SMARCD3: variants seen among roughly 807,000 people sequenced by gnomAD.
The protein encoded by SMARCD3 is SWI/SNF related BAF chromatin remodeling complex subunit D3, also known as SWI/SNF-related matrix-associated actin-dependent regulator of chromatin subfamily D member 3.
A neutral mutation model predicts 58.0 loss-of-function variants in SMARCD3; 14 were observed. That is an observed-to-expected ratio of 0.24 (90% confidence interval 0.16 to 0.38). The LOEUF is 0.38. Ranked by LOEUF, SMARCD3 falls within the 10% of genes least tolerant of loss-of-function variation. The pLI, the probability that SMARCD3 is intolerant of heterozygous loss-of-function variation, is 1.00. For synonymous variants in SMARCD3, 253 were observed against 253.8 expected, an observed-to-expected ratio of 1.00 and a Z score of 0.03; for missense variants, 408 against 636.9, an observed-to-expected ratio of 0.64 and a Z score of 3.87.
Position 151,241,096 on chromosome 7 carries a change from A to T in SMARCD3, c.939+396T>A. On this transcript the variant is annotated intron_variant, in intron 8 of 12. Transcript: ENST00000262188. The surrounding 1 kb of genome is among the most constrained non-coding windows in gnomAD (Gnocchi z 5.3). ...TTTTCCTAACTGCCCAGGAGAGTAG[A>T]TAGGACAGGTATTGTCACTCCACTT... 1 of 292,922 alleles carries T rather than the reference A, an allele frequency of 3.4e-6. No individual in the cohort carries two copies. The highest frequency in any genetic ancestry group is 2.3e-5 in the African/African-American group (1 of 43,020). The allele number at this position is 292,922 out of a possible 1,614,324, so 18.1% of individuals were successfully genotyped here.
At chr7:151,271,466 G>A (rs1795172138) in intron 2 of SMARCD3, among the ~76,000 whole-genome samples, 1 of 152,038 alleles carries the variant, frequency 6.6e-6, no homozygotes, top group African/African-American at 2.4e-5. Flanking sequence ...TTCAGGACCT[G>A]TGGGGAAAGA....
At chr7:151,258,687 A>G (rs1410777007) in intron 2 of SMARCD3, among the ~76,000 whole-genome samples, 6 of 152,016 alleles carry the variant, frequency 3.9e-5, no homozygotes, top group Non-Finnish European at 7.4e-5. Context: ...AAGGTCCTGC[A>G]GGATCTGGTC....
intron 2 of SMARCD3, among the ~76,000 whole-genome samples, chr7:151,244,859 C>T (rs954867405): frequency 1.3e-5 from 2 of 152,198 alleles, no homozygotes; most frequent in Non-Finnish European, 2.9e-5. Flanking sequence ...AGGGTGCCAC[C>T]AGCTGCTGGA....
At chr7:151,269,544 G>A (rs1795095996) in intron 2 of SMARCD3, among the ~76,000 whole-genome samples, 1 of 152,210 alleles carries the variant, frequency 6.6e-6, no homozygotes, top group Non-Finnish European at 1.5e-5. Flanking sequence ...GGAAAGATGG[G>A]CTAAAGCTAA....
intron 2 of SMARCD3, among the ~76,000 whole-genome samples, chr7:151,260,178 A>C (rs1803871413): frequency 6.6e-6 from 1 of 152,172 alleles, no homozygotes; most frequent in Non-Finnish European, 1.5e-5. Context: ...CCTTTACCCC[A>C]AGCTGCCTCC....
intron 2 of SMARCD3, among the ~76,000 whole-genome samples, chr7:151,258,182 C>T (rs891101235): frequency 2.0e-4 from 31 of 152,094 alleles, no homozygotes; most frequent in Non-Finnish European, 3.4e-4. Flanking sequence ...CCCCGGATGC[C>T]GCCCGAGATC....
intron 1 of SMARCD3, among the ~76,000 whole-genome samples, chr7:151,247,681 C>T (rs945253989): frequency 2.7e-5 from 4 of 150,244 alleles, no homozygotes; most frequent in Non-Finnish European, 4.4e-5. Context: ...CCCTGCTTCT[C>T]CCATTCCCCA....
chr7:151,259,318 C>T (rs991024580), intron 2 of SMARCD3, among the ~76,000 whole-genome samples: 14 of 148,996 alleles, frequency 9.4e-5, no homozygotes, highest in African/African-American at 3.5e-4. Flanking sequence ...CACCACTGCA[C>T]TCCAGCCTAG....
chr7:151,261,922 T>C (rs1218101848), intron 2 of SMARCD3, among the ~76,000 whole-genome samples: 1 of 152,178 alleles, frequency 6.6e-6, no homozygotes, highest in East Asian at 1.9e-4. Flanking sequence ...CTCAAGCCAC[T>C]GGACGCTTCC....
At position 151,248,257 on chromosome 7, in the gene SMARCD3, G is replaced by A. The variant is rs1803369790; in HGVS notation, c.78+228C>T. 6.7e-6 allele frequency among the ~76,000 whole-genome samples: 1 copy of A among 149,616 alleles called. No homozygotes were observed. Among genetic ancestry groups the A allele is most frequent in the African/African-American group, 2.5e-5 (1 of 40,644 alleles). ...AGTCCCACCCCCGCCCCTGACAAGAGCCATGCAAACGCCTCCCTTCCCCGC... is the reference window on the plus strand; with the variant it reads ...AGTCCCACCCCCGCCCCTGACAAGAACCATGCAAACGCCTCCCTTCCCCGC... On this transcript the variant is annotated intron_variant, in intron 1 of 12. Coordinates refer to ENST00000262188, the MANE Select transcript of SMARCD3 (RefSeq NM_001003801.2). The surrounding 1 kb of genome is among the most constrained non-coding windows in gnomAD (Gnocchi z 6.1).
chr7:151,248,754 CCCGCCG>C (rs563262664), upstream of SMARCD3: 906 of 1,041,342 alleles, frequency 8.7e-4, 5 homozygotes, highest in Non-Finnish European at 9.9e-4. The surrounding 1 kb of genome is among the most constrained non-coding windows in gnomAD (Gnocchi z 6.1). Flanking sequence ...CCGCCGCCCG[CCCGCCG>C]CCGCCGCCGC....
upstream of SMARCD3, among the ~76,000 whole-genome samples, chr7:151,251,825 G>C (rs1170520950): frequency 1.3e-5 from 2 of 151,010 alleles, no homozygotes; most frequent in East Asian, 1.9e-4. Context: ...CCCGCGCAGG[G>C]AGAGATGCGC....
chr7:151,240,541 G>A lies in SMARCD3; in HGVS notation c.940-19C>T. 6.4e-7 allele frequency: 1 copy of A among 1,559,308 alleles called. No individual in the cohort carries two copies. Among genetic ancestry groups the A allele is most frequent in the African/African-American group, 1.4e-5 (1 of 74,036 alleles). The stretch of plus-strand genomic sequence containing the variant: ...CAAAAATCTGAAGCAGGACAATTGG[G>A]GAGAGAGAGATCACTCTTCTTGAAG... On this transcript the variant is annotated intron_variant, in intron 8 of 12. Transcript: ENST00000262188.
At chr7:151,256,213 G>A (rs1194657201) in intron 2 of SMARCD3, among the ~76,000 whole-genome samples, 3 of 131,806 alleles carry the variant, frequency 2.3e-5, no homozygotes, top group East Asian at 4.6e-4. Context: ...ACAGAGTGTC[G>A]CCCTGTTGCC....
chr7:151,256,173 C>A (rs370860546), intron 2 of SMARCD3, among the ~76,000 whole-genome samples: 1 of 150,392 alleles, frequency 6.6e-6, no homozygotes, highest in Admixed American at 6.6e-5. Context: ...TGAGCCACTG[C>A]GCCTGGCTTT....
At position 151,243,625 on chromosome 7, in the gene SMARCD3, G is replaced by C. The variant is rs758739032; in HGVS notation, c.333+34C>G. On this transcript the variant is annotated intron_variant, in intron 3 of 12. Transcript: ENST00000262188. The surrounding 1 kb of genome is among the most constrained non-coding windows in gnomAD (Gnocchi z 4.4). ...GGAGGGCGGAGCAGCAAAGGGTGGG[G>C]GGTGGGCTGGGGGCTGCTGTGAAAG... is the stretch of plus-strand genomic sequence containing the variant. 2 of 1,187,702 alleles carry C rather than the reference G, an allele frequency of 1.7e-6. No homozygotes were observed. The highest frequency in any genetic ancestry group is 2.5e-6 in the Non-Finnish European group (2 of 792,256). The allele number at this position is 1,187,702 out of a possible 1,614,324, so 73.6% of individuals were successfully genotyped here.
chr7:151,246,740 G>A lies in SMARCD3; in HGVS notation c.79-1069C>T, dbSNP rs781644942. 7.9e-5 allele frequency among the ~76,000 whole-genome samples: 12 copies of A among 152,090 alleles called. No homozygotes were observed. The highest frequency in any genetic ancestry group is 2.2e-4 in the African/African-American group (9 of 41,398). Reference sequence around the variant, plus strand: ...TAAATGAGATGCAAATGCATCGAGCGAAGTGTTCCAAACCCCACTTGTCCA... The same window carrying A: ...TAAATGAGATGCAAATGCATCGAGCAAAGTGTTCCAAACCCCACTTGTCCA... On this transcript the variant is annotated intron_variant, in intron 1 of 12. Transcript: ENST00000262188. The surrounding 1 kb of genome is among the most constrained non-coding windows in gnomAD (Gnocchi z 4.4).
At chr7:151,247,254 A>G (rs1169241762) in intron 1 of SMARCD3, among the ~76,000 whole-genome samples, 1 of 152,096 alleles carries the variant, frequency 6.6e-6, no homozygotes, top group Non-Finnish European at 1.5e-5. Flanking sequence ...GTCCACGTGT[A>G]CAGCCTCTCC....
At chr7:151,276,855 AGGGGG>A (rs1795361261), upstream of SMARCD3, 1 of 70,714 alleles carries the variant, frequency 1.4e-5, no homozygotes. Flanking sequence ...CAGGGGGAGG[AGGGGG>A]AAGCCAGGCA....
Sources: gnomAD v4.1 joint callset for allele counts (sites outside exome capture counted in the v4.1 genomes callset) on GRCh38, gnomAD v4.1.1 for gene constraint, Gnocchi (gnomAD v3.1) non-coding constraint, MANE v1.5 for transcripts, NCBI Gene and HGNC (gene_info 2026-07-23, HGNC 2026-07-21) for gene names.